TOP2B: variants seen among roughly 807,000 people sequenced by gnomAD.
The protein encoded by TOP2B is DNA topoisomerase 2-beta.
A neutral mutation model predicts 193.5 loss-of-function variants in TOP2B; 51 were observed. The observed-to-expected ratio is 0.26, with a 90% CI of 0.21 to 0.33. The LOEUF (loss-of-function observed/expected upper bound fraction) is 0.33, where lower values mean the gene tolerates loss of function less well. Among genes scored for constraint, TOP2B ranks in the 10% least tolerant of loss-of-function variants. The probability of loss-of-function intolerance (pLI) is 1.00; values close to 1 mark genes in which losing one functional copy is unlikely to be tolerated. For synonymous variants in TOP2B, 634 were observed against 635.7 expected, an observed-to-expected ratio of 1.00 and a Z score of 0.04; for missense variants, 1,378 against 1,909.3, an observed-to-expected ratio of 0.72 and a Z score of 5.19.
chr3:25,655,467 G>C (rs776338353), intron 1 of TOP2B, among the ~76,000 whole-genome samples: 4 of 152,158 alleles, frequency 2.6e-5, no homozygotes, highest in Non-Finnish European at 5.9e-5. Flanking sequence ...TATGGAAATA[G>C]TGTGGAGGTT....
chr3:25,664,385 A>G lies in TOP2B; in HGVS notation c.-88T>C. 1 of 1,344,600 alleles carries G rather than the reference A, an allele frequency of 7.4e-7. No individual in the cohort carries two copies. The highest frequency in any genetic ancestry group is 3.2e-5 in the East Asian group (1 of 31,450). 83.3% of individuals were successfully genotyped at this position (1,344,600 alleles called of 1,614,324 possible). On this transcript the variant is annotated 5_prime_UTR_variant, in exon 1 of 36. Transcript: ENST00000264331. ...CGCTGGGCCCCGCCGCTCCGCACCCACCGCTCCACTCGCCGCACTCCTAGC... is the reference window on the plus strand; with the variant it reads ...CGCTGGGCCCCGCCGCTCCGCACCCGCCGCTCCACTCGCCGCACTCCTAGC...
chr3:25,618,521 A>G lies in TOP2B; in HGVS notation c.3260-12T>C. 1 of 1,598,508 alleles carries G rather than the reference A, an allele frequency of 6.3e-7. No homozygotes were observed. ...CTTTGACCTATTCTCTATGTGAGGG[A>G]AAAATAAAGTTAGGATCAAGATAAG... On this transcript the variant is annotated splice_polypyrimidine_tract_variant and intron_variant, in intron 24 of 35. Transcript: ENST00000264331.
chr3:25,624,844 A>G, intron 18 of TOP2B, 41 bp from the exon 19 acceptor site: 1 of 1,587,420 alleles, frequency 6.3e-7, no homozygotes, highest in Non-Finnish European at 8.6e-7. Flanking sequence ...ACTTCAAGAT[A>G]TAGTTGTAAC....
At chr3:25,653,299 A>G (rs1161796106) in intron 1 of TOP2B, among the ~76,000 whole-genome samples, 1 of 152,210 alleles carries the variant, frequency 6.6e-6, no homozygotes, top group Admixed American at 6.5e-5. Context: ...TCTCTGATAC[A>G]AAAACTAGAA....
At chr3:25,645,235 C>A in intron 2 of TOP2B, 65 bp downstream of exon 2, 2 of 1,352,488 alleles carry the variant, frequency 1.5e-6, no homozygotes, top group South Asian at 1.7e-5. Flanking sequence ...ATAATTTTAT[C>A]AACATATTAA....
intron 27 of TOP2B, among the ~76,000 whole-genome samples, chr3:25,614,232 C>T (rs1012858853): frequency 5.4e-4 from 82 of 152,138 alleles, no homozygotes; most frequent in African/African-American, 1.9e-3. Context: ...AGGAAATGTA[C>T]AGGCATAACC....
chr3:25,599,450 G>C lies in TOP2B; in HGVS notation c.4695C>G (p.Ser1565=), dbSNP rs753740891. The change falls in exon 35 of 36, where the codon TCC becomes TCG. Residue 1565 remains serine, a synonymous_variant. Coordinates refer to ENST00000264331, the MANE Select transcript of TOP2B (RefSeq NM_001330700.2). The stretch of plus-strand genomic sequence containing the variant: ...TCCCGGTTACCTTGCTTGTTGTTTT[G>C]GATGTTTTCCTGCCAGGGTTATAAT... ...EGDYNPGRKT[S]KTTSKKPKKT... The C allele has an allele frequency of 1.2e-6, 2 of 1,613,342 alleles. No homozygotes were observed. Among genetic ancestry groups the C allele is most frequent in the Non-Finnish European group, 1.7e-6 (2 of 1,179,588 alleles).
chr3:25,650,264 T>A (rs950420155), intron 1 of TOP2B, among the ~76,000 whole-genome samples: 4 of 152,214 alleles, frequency 2.6e-5, no homozygotes, highest in South Asian at 4.1e-4. Context: ...AACACTCTTA[T>A]AATAAGCAGA....
At chr3:25,633,123 G>C (rs1703007210) in intron 8 of TOP2B, among the ~76,000 whole-genome samples, 1 of 152,010 alleles carries the variant, frequency 6.6e-6, no homozygotes, top group East Asian at 1.9e-4. Flanking sequence ...CCTGGAGTTA[G>C]CACAAGTATT....
intron 1 of TOP2B, among the ~76,000 whole-genome samples, chr3:25,646,978 T>TTAA (rs1703432158): frequency 6.6e-6 from 1 of 152,192 alleles, no homozygotes; most frequent in Admixed American, 6.5e-5. Context: ...TCTTATACAT[T>TTAA]CCTACATTTA....
At chr3:25,660,085 G>C (rs1575590727) in intron 1 of TOP2B, among the ~76,000 whole-genome samples, 1 of 151,992 alleles carries the variant, frequency 6.6e-6, no homozygotes, top group Non-Finnish European at 1.5e-5. Flanking sequence ...AACAAACCTG[G>C]GATTACAGGT....
chr3:25,651,420 T>C (rs1292117469), intron 1 of TOP2B, among the ~76,000 whole-genome samples: 1 of 136,974 alleles, frequency 7.3e-6, no homozygotes, highest in East Asian at 2.1e-4. Flanking sequence ...CAAAGAGAAA[T>C]TAGAAGAAAA....
intron 21 of TOP2B, 93 bp downstream of exon 21, chr3:25,623,422 A>G: frequency 8.5e-7 from 1 of 1,170,028 alleles, no homozygotes; most frequent in Non-Finnish European, 1.2e-6. Flanking sequence ...TATGTTCTAA[A>G]ATAAAAATGT....
At chr3:25,604,001 CAG>C (rs1216748565) in intron 33 of TOP2B, among the ~76,000 whole-genome samples, 3 of 152,224 alleles carry the variant, frequency 2.0e-5, no homozygotes, top group Non-Finnish European at 4.4e-5. Flanking sequence ...GTGTTGGCTA[CAG>C]AGACTCTTGT....
intron 1 of TOP2B, among the ~76,000 whole-genome samples, chr3:25,648,515 A>C (rs1703477563): frequency 6.6e-6 from 1 of 152,226 alleles, no homozygotes; most frequent in Non-Finnish European, 1.5e-5. Flanking sequence ...GCCCTAACAG[A>C]AAATAACAAT....
chr3:25,639,479 T>C (rs371914121), intron 4 of TOP2B, among the ~76,000 whole-genome samples: 1 of 152,192 alleles, frequency 6.6e-6, no homozygotes, highest in Non-Finnish European at 1.5e-5. Context: ...GGCTAATTTT[T>C]GTATTTTTAG....
intron 28 of TOP2B, among the ~76,000 whole-genome samples, chr3:25,610,935 T>C (rs1392749252): frequency 2.0e-5 from 3 of 152,216 alleles, no homozygotes; most frequent in Non-Finnish European, 4.4e-5. Context: ...TCAATAGGAC[T>C]TAGTTACTGA....
At chr3:25,637,356 T>C (rs958200513) in intron 5 of TOP2B, 44 bp from the exon 6 acceptor site, 3 of 1,437,498 alleles carry the variant, frequency 2.1e-6, no homozygotes, top group Non-Finnish European at 1.9e-6. Flanking sequence ...AAAATGATTT[T>C]AAAGGAACTT....
chr3:25,651,330 T>C (rs1323204625), intron 1 of TOP2B, among the ~76,000 whole-genome samples: 2 of 151,980 alleles, frequency 1.3e-5, no homozygotes, highest in African/African-American at 2.4e-5. Context: ...AAGTTACTAA[T>C]TTAAAATTTA....
Sources: allele counts gnomAD v4.1 joint callset (sites outside exome capture counted in the v4.1 genomes callset), GRCh38; gene constraint gnomAD v4.1.1; transcripts MANE v1.5; gene names NCBI Gene and HGNC (gene_info 2026-07-23, HGNC 2026-07-21).